Variants in ASCC2 observed in about 807,000 individuals in gnomAD.
ASCC2 encodes the protein activating signal cointegrator 1 complex subunit 2, also known as ASC-1 complex subunit P100.
ASCC2 carries 42 observed loss-of-function variants against 93.5 expected under a neutral mutation model. The observed-to-expected ratio is 0.45, with a 90% CI of 0.35 to 0.58. The LOEUF (loss-of-function observed/expected upper bound fraction) is 0.58, where lower values mean the gene tolerates loss of function less well. Among genes scored for constraint, ASCC2 ranks in the 20% least tolerant of loss-of-function variants. ASCC2 has a pLI of 0.00. For synonymous variants in ASCC2, 364 were observed against 384.2 expected, an observed-to-expected ratio of 0.95 and a Z score of 0.62; for missense variants, 859 against 977.6, an observed-to-expected ratio of 0.88 and a Z score of 1.62.
chr22:29,808,234 C>T (rs2059907068), intron 8 of ASCC2, 49 bp from the exon 9 acceptor site: 1 of 1,579,434 alleles, frequency 6.3e-7, no homozygotes, highest in South Asian at 1.1e-5. Flanking sequence ...ATAAATACCA[C>T]ACTTCATAAG....
chr22:29,807,422 G>A (rs932363296), intron 9 of ASCC2, among the ~76,000 whole-genome samples: 2 of 152,150 alleles, frequency 1.3e-5, no homozygotes, highest in Admixed American at 1.3e-4. Flanking sequence ...CTGCTTCTCA[G>A]TTCAAACGGT....
intron 19 of ASCC2, among the ~76,000 whole-genome samples, chr22:29,789,467 A>G (rs1395348415): frequency 6.6e-6 from 1 of 152,222 alleles, no homozygotes; most frequent in Non-Finnish European, 1.5e-5. Context: ...CACAGCCTAC[A>G]GGAGACGGGG....
rs2060809990 is a variant in ASCC2 at position 29,816,009 on chromosome 22, A to G, written c.606T>C (p.Leu202=). 6.3e-7 allele frequency: 1 copy of G among 1,590,764 alleles called. No individual in the cohort carries two copies. Among genetic ancestry groups the G allele is most frequent in the African/African-American group, 1.3e-5 (1 of 74,710 alleles). Residue 202 remains leucine (L), a synonymous_variant, in exon 6 of 20, where the codon CTT becomes CTC. Transcript: ENST00000307790. ...SDLDETLPTI[L]QVFSNILQHC... Reference sequence around the variant, plus strand: ...GCGCAGGGCCAAGAGCTGGTACCTGAAGGATGGTAGGCAGGGTTTCATCCA... The same window carrying G: ...GCGCAGGGCCAAGAGCTGGTACCTGGAGGATGGTAGGCAGGGTTTCATCCA...
chr22:29,813,630 G>C, intron 7 of ASCC2, 88 bp from the exon 8 acceptor site: 1 of 886,108 alleles, frequency 1.1e-6, no homozygotes, highest in South Asian at 1.5e-5. Flanking sequence ...AAACAGTCAG[G>C]GTCCCAAACA....
chr22:29,827,646 T>A (rs1343604608), intron 2 of ASCC2: 1 of 469,344 alleles, frequency 2.1e-6, no homozygotes. Flanking sequence ...TCAAAACAAC[T>A]GTCAGGAGCC....
chr22:29,793,278 T>G (rs2058002166), intron 17 of ASCC2, 82 bp downstream of exon 17: 1 of 1,579,044 alleles, frequency 6.3e-7, no homozygotes, highest in Non-Finnish European at 8.6e-7. Context: ...ATCTGCCACA[T>G]CTGTGTAAAC....
chr22:29,833,713 T>C (rs1313814851), intron 1 of ASCC2: 5 of 451,248 alleles, frequency 1.1e-5, no homozygotes, highest in Non-Finnish European at 2.3e-5. Flanking sequence ...ACAGACTCAA[T>C]GACAACATGA....
intron 15 of ASCC2, 93 bp downstream of exon 15, chr22:29,800,898 C>A: frequency 6.9e-7 from 1 of 1,459,320 alleles, no homozygotes; most frequent in Non-Finnish European, 9.2e-7. Flanking sequence ...TACTCCATGG[C>A]CAATTCTGCG....
chr22:29,822,600 C>A (rs1057270521), intron 4 of ASCC2, 136 bp from the exon 5 acceptor site: 26 of 901,632 alleles, frequency 2.9e-5, no homozygotes, highest in Non-Finnish European at 4.0e-5. Flanking sequence ...AGACCTGGAG[C>A]AATGGCCATT....
rs752220173 is a variant in ASCC2 at position 29,789,124 on chromosome 22, G to A, written c.2163C>T (p.Arg721=). The A allele has an allele frequency of 2.0e-5, 33 of 1,613,984 alleles. No individual in the cohort carries two copies. The highest frequency in any genetic ancestry group is 8.3e-5 in the Admixed American group (5 of 59,994). ...TCTTCCTGCGTTCCTGGGTTGTCTC[G>A]CGGCTCTGCCCATGGCCTCGGGGGC... The part of the protein sequence containing the change: ...AGSPRGHGQS[R]ETTQERRKKE... Residue 721 remains arginine, a synonymous_variant, in exon 20 of 20, where the codon CGC becomes CGT. Coordinates refer to ENST00000307790, the MANE Select transcript of ASCC2 (RefSeq NM_032204.5).
At chr22:29,806,414 G>T in intron 11 of ASCC2, 71 bp downstream of exon 11, 1 of 1,575,830 alleles carries the variant, frequency 6.3e-7, no homozygotes, top group Non-Finnish European at 8.7e-7. Flanking sequence ...CTATAGCGGG[G>T]GTCTATCATG....
At chr22:29,791,408 G>A (rs2057726811) in intron 18 of ASCC2, among the ~76,000 whole-genome samples, 1 of 151,146 alleles carries the variant, frequency 6.6e-6, no homozygotes, top group Admixed American at 6.6e-5. Context: ...GGCTGGGTGT[G>A]GTGGCTCATG....
rs2068447964 is a variant in ASCC2, at chr22:29,788,662, A to G, written c.*351T>C. On this transcript the variant is annotated 3_prime_UTR_variant, in exon 20 of 20. Coordinates refer to ENST00000307790, the MANE Select transcript of ASCC2 (RefSeq NM_032204.5). Reference sequence around the variant, plus strand: ...CAGGACTTTTTGTGTTTTTGAATATACAGGTTTCCTGCTGTCCAGGGTAAA... The same window carrying G: ...CAGGACTTTTTGTGTTTTTGAATATGCAGGTTTCCTGCTGTCCAGGGTAAA... 3.5e-6 allele frequency: 1 copy of G among 289,356 alleles called. No homozygotes were observed. The highest frequency in any genetic ancestry group is 6.6e-6 in the Non-Finnish European group (1 of 152,480). The allele number at this position is 289,356 out of a possible 1,614,324, so 17.9% of individuals were successfully genotyped here.
intron 15 of ASCC2, among the ~76,000 whole-genome samples, chr22:29,794,744 A>C (rs1302941745): frequency 1.3e-5 from 2 of 152,244 alleles, no homozygotes; most frequent in African/African-American, 4.8e-5. Context: ...ACATTGATCT[A>C]TTTGTGCTGA....
intron 18 of ASCC2, among the ~76,000 whole-genome samples, chr22:29,790,922 T>C (rs1015424177): frequency 4.6e-5 from 7 of 152,076 alleles, no homozygotes; most frequent in African/African-American, 1.7e-4. Context: ...CCGTGGGAGC[T>C]AAGTGGTCCC....
At chr22:29,826,690 A>C (rs2062380703) in intron 2 of ASCC2, among the ~76,000 whole-genome samples, 1 of 152,168 alleles carries the variant, frequency 6.6e-6, no homozygotes, top group Non-Finnish European at 1.5e-5. Flanking sequence ...TACAAGGTAC[A>C]GAGAAGGTGA....
At chr22:29,830,354 C>T in intron 2 of ASCC2, among the ~76,000 whole-genome samples, 1 of 152,182 alleles carries the variant, frequency 6.6e-6, no homozygotes, top group East Asian at 1.9e-4. Flanking sequence ...GAAGCCTGTA[C>T]TTGCTAACTC....
At chr22:29,830,738 T>A (rs140117893) in intron 2 of ASCC2, among the ~76,000 whole-genome samples, 1 of 152,252 alleles carries the variant, frequency 6.6e-6, no homozygotes, top group Non-Finnish European at 1.5e-5. Context: ...GCAGAGACCA[T>A]GTCTTTTCTC....
At chr22:29,807,080 A>G (rs1175217522) in intron 9 of ASCC2, among the ~76,000 whole-genome samples, 176 bp from the exon 10 acceptor site, 1 of 151,934 alleles carries the variant, frequency 6.6e-6, no homozygotes, top group Non-Finnish European at 1.5e-5. Flanking sequence ...TCTCTACAAA[A>G]AATACAAAAA....
Sources: gnomAD v4.1 joint callset for allele counts (sites outside exome capture counted in the v4.1 genomes callset) on GRCh38, gnomAD v4.1.1 for gene constraint, MANE v1.5 for transcripts, NCBI Gene and HGNC (gene_info 2026-07-23, HGNC 2026-07-21) for gene names.